Variants in CACHD1 observed in about 807,000 individuals in gnomAD.
CACHD1 encodes VWFA and cache domain-containing protein 1.
CACHD1 carries 71 observed loss-of-function variants against 138.7 expected under a neutral mutation model. The ratio of observed to expected loss-of-function variants is 0.51; its 90% CI spans 0.42 to 0.62. CACHD1 has a LOEUF of 0.62. Among genes scored for constraint, CACHD1 ranks in the 20% least tolerant of loss-of-function variants. The pLI is 0.00. For synonymous variants in CACHD1, 578 were observed against 591.5 expected (o/e 0.98, Z 0.33); for missense variants, 1,389 against 1,625.3 (o/e 0.85, Z 2.50).
At position 64,533,215 on chromosome 1, in the gene CACHD1, G is replaced by A. The variant is rs111839272; in HGVS notation, c.199-17379G>A. On this transcript the variant is annotated intron_variant, in intron 1 of 26. Transcript: ENST00000651257. The stretch of plus-strand genomic sequence containing the variant: ...TACTAAAAATACAGAAATTAGCCGG[G>A]CGTGGTGGTGCAGGCCTATAGCCCC... Among the ~76,000 whole-genome samples the A allele has an allele frequency of 3.4e-3, 513 of 152,314 alleles. 2 individuals are homozygous for A. Among genetic ancestry groups the A allele is most frequent in the African/African-American group, 0.012 (479 of 41,576 alleles).
At chr1:64,668,698 G>T (rs764259018) in intron 16 of CACHD1, among the ~76,000 whole-genome samples, 9 of 152,236 alleles carry the variant, frequency 5.9e-5, no homozygotes, top group Non-Finnish European at 1.0e-4. Context: ...CTCTTGCCCT[G>T]TGCAATATGA....
At chr1:64,583,356 G>A (rs1291851849) in intron 3 of CACHD1, among the ~76,000 whole-genome samples, 1 of 152,156 alleles carries the variant, frequency 6.6e-6, no homozygotes, top group East Asian at 1.9e-4. Context: ...AATTTGGAAT[G>A]AGACTGTCTG....
chr1:64,594,873 G>C (rs1468642391), intron 3 of CACHD1, among the ~76,000 whole-genome samples: 1 of 152,140 alleles, frequency 6.6e-6, no homozygotes, highest in African/African-American at 2.4e-5. Flanking sequence ...TTCAAAGAAG[G>C]CCCAGATTTA....
At chr1:64,593,930 C>T (rs189063479) in intron 3 of CACHD1, among the ~76,000 whole-genome samples, 1 of 152,254 alleles carries the variant, frequency 6.6e-6, no homozygotes, top group Non-Finnish European at 1.5e-5. Flanking sequence ...TAGAAACTGT[C>T]TCTGCCCACC....
chr1:64,504,941 A>G (rs541429506), intron 1 of CACHD1, among the ~76,000 whole-genome samples: 5 of 152,276 alleles, frequency 3.3e-5, no homozygotes, highest in South Asian at 4.1e-4. Context: ...AAATGGTGAT[A>G]GTTTTTGTTT....
chr1:64,519,958 C>T lies in CACHD1; in HGVS notation c.199-30636C>T, dbSNP rs115599640. Among the ~76,000 whole-genome samples, 1,215 of 152,244 alleles carry T rather than the reference C, an allele frequency of 8.0e-3. 19 individuals carry two copies. The highest frequency in any genetic ancestry group is 0.028 in the African/African-American group (1,157 of 41,544). On this transcript the variant is annotated intron_variant, in intron 1 of 26. Transcript: ENST00000651257. ...TGAGACATTCTGCTGCACATACAGACGTTGATTAACAGCCGTATATCAGCC... is the reference window on the plus strand; with the variant it reads ...TGAGACATTCTGCTGCACATACAGATGTTGATTAACAGCCGTATATCAGCC...
intron 26 of CACHD1, among the ~76,000 whole-genome samples, chr1:64,686,867 C>T (rs551825818): frequency 6.6e-6 from 1 of 152,144 alleles, no homozygotes. Flanking sequence ...TGTAGATGAA[C>T]GTAAGACCAT....
intron 1 of CACHD1, among the ~76,000 whole-genome samples, chr1:64,502,793 T>C (rs1316068213): frequency 6.6e-6 from 1 of 152,170 alleles, no homozygotes; most frequent in African/African-American, 2.4e-5. Flanking sequence ...TTAAAACCAC[T>C]TAACCTGTAG....
intron 15 of CACHD1, 120 bp from the exon 16 acceptor site, chr1:64,665,937 G>A (rs1011292972): frequency 3.1e-4 from 147 of 470,504 alleles, no homozygotes; most frequent in Middle Eastern, 6.1e-4. Flanking sequence ...CCCAGGAGGC[G>A]GAGCTTGCAG....
At chr1:64,635,049 C>T (rs914410261) in intron 7 of CACHD1, among the ~76,000 whole-genome samples, 11 of 146,602 alleles carry the variant, frequency 7.5e-5, no homozygotes, top group Non-Finnish European at 1.2e-4. Flanking sequence ...ATGTTGTCTT[C>T]GTCATCATCT....
chr1:64,489,108 G>T (rs909780741), intron 1 of CACHD1, among the ~76,000 whole-genome samples: 1 of 152,172 alleles, frequency 6.6e-6, no homozygotes, highest in African/African-American at 2.4e-5. Context: ...CTCTTTTTAA[G>T]CTAGTCTGTC....
intron 1 of CACHD1, among the ~76,000 whole-genome samples, chr1:64,545,013 C>T (rs893977742): frequency 1.3e-5 from 2 of 152,128 alleles, no homozygotes; most frequent in African/African-American, 4.8e-5. Context: ...GGTGACTCTT[C>T]AGTTAGCATA....
chr1:64,473,048 A>G (rs1241657177), intron 1 of CACHD1, among the ~76,000 whole-genome samples: 1 of 152,176 alleles, frequency 6.6e-6, no homozygotes, highest in Non-Finnish European at 1.5e-5. Flanking sequence ...ACTTCGAAAA[A>G]AAGCTCTGAT....
At chr1:64,576,036 G>A (rs376304467) in intron 2 of CACHD1, among the ~76,000 whole-genome samples, 2 of 152,160 alleles carry the variant, frequency 1.3e-5, no homozygotes, top group South Asian at 4.1e-4. Flanking sequence ...CATGGGGACC[G>A]CACGCTACCT....
At position 64,676,715 on chromosome 1, in the gene CACHD1, T is replaced by A. The variant is rs1650004335; in HGVS notation, c.2976-180T>A. ...CCTAGGTTATTTGTATTACTTCTAC[T>A]GTATATAAAGATAAGTAAATTGAAG... On this transcript the variant is annotated intron_variant, in intron 21 of 26. Transcript: ENST00000651257. Among the ~76,000 whole-genome samples the A allele has an allele frequency of 1.3e-5, 2 of 152,198 alleles. 1 individual carries two copies. Among genetic ancestry groups the A allele is most frequent in the South Asian group, 4.1e-4 (2 of 4,834 alleles).
chr1:64,570,906 A>T lies in CACHD1; in HGVS notation c.262-11250A>T, dbSNP rs547575105. On this transcript the variant is annotated intron_variant, in intron 2 of 26. Coordinates refer to ENST00000651257, the MANE Select transcript of CACHD1 (RefSeq NM_020925.4). Reference sequence around the variant, plus strand: ...GGTGCTGTTACTGTTGGCTTAAAAAATTTTTTTTCCCAATGATATTAAAAA... The same window carrying T: ...GGTGCTGTTACTGTTGGCTTAAAAATTTTTTTTTCCCAATGATATTAAAAA... Among the ~76,000 whole-genome samples the T allele has an allele frequency of 1.6e-3, 241 of 151,772 alleles. 2 individuals are homozygous for T. The highest frequency in any genetic ancestry group is 5.4e-3 in the African/African-American group (222 of 41,364).
rs563555551 is a variant in CACHD1, at chr1:64,655,008, T to C, written c.1782+205T>C. 2.0e-5 allele frequency among the ~76,000 whole-genome samples: 3 copies of C among 152,352 alleles called. No individual in the cohort carries two copies. In the East Asian group the frequency reaches 5.8e-4, roughly 29 times the overall value. ...CCTTTTTTGTTTATAAAACTGATAA[T>C]TGTTCATGATGAATTCATCAAACCA... On this transcript the variant is annotated intron_variant, in intron 12 of 26. Transcript: ENST00000651257.
chr1:64,664,796 G>A (rs971776757), intron 15 of CACHD1, 117 bp downstream of exon 15: 19 of 870,076 alleles, frequency 2.2e-5, no homozygotes, highest in Non-Finnish European at 2.7e-5. Context: ...CTTTCATGGT[G>A]GTGAAAAATG....
intron 1 of CACHD1, among the ~76,000 whole-genome samples, chr1:64,520,388 G>T (rs1250640700): frequency 1.3e-5 from 2 of 152,162 alleles, no homozygotes; most frequent in Non-Finnish European, 2.9e-5. Flanking sequence ...TTGCTAATTG[G>T]CAAAGGGCCT....
Sources: gnomAD v4.1 joint callset for allele counts (sites outside exome capture counted in the v4.1 genomes callset) on GRCh38, gnomAD v4.1.1 for gene constraint, MANE v1.5 for transcripts, NCBI Gene and HGNC (gene_info 2026-07-23, HGNC 2026-07-21) for gene names.